YY2: variants seen among roughly 807,000 people sequenced by gnomAD.
The protein encoded by YY2 is transcription factor YY2.
For synonymous variants in YY2, 157 were observed against 131.2 expected (o/e 1.20, Z -1.35); for missense variants, 254 against 305.3 (o/e 0.83, Z 1.25).
Position 21,857,083 on chromosome X carries a change from G to A in YY2, c.599G>A (p.Gly200Asp), listed in dbSNP as rs1368016320. The A allele has an allele frequency of 8.3e-7, 1 of 1,209,945 alleles. No individual in the cohort carries two copies. The highest frequency in any genetic ancestry group is 3.0e-5 in the East Asian group (1 of 33,766). Reference protein sequence around the residue: ...PNDNNDQGAVGEGQAENPPDY... With the variant: ...PNDNNDQGAVDEGQAENPPDY... ...GATAACAATGACCAAGGGGCAGTGGGTGAAGGCCAGGCTGAAAACCCACCT... is the reference window on the plus strand; with the variant it reads ...GATAACAATGACCAAGGGGCAGTGGATGAAGGCCAGGCTGAAAACCCACCT... The change falls in exon 1 of 1, where the codon GGT becomes GAT. Residue 200 changes from glycine (G) to aspartate (D), a missense_variant. By Grantham distance (94) the Gly-to-Asp change is moderately conservative (BLOSUM62 -1). Transcript: ENST00000429584.
Position 21,857,211 on chromosome X carries a change from C to G in YY2, c.727C>G (p.Pro243Ala), listed in dbSNP as rs761500153. Reference protein sequence around the residue: ...KQLAEFTKVKPKRSKGEPPKT... With the variant: ...KQLAEFTKVKAKRSKGEPPKT... ...GCTGGCAGAATTTACTAAAGTGAAG[C>G]CCAAAAGGTCCAAAGGAGAACCTCC... The change falls in exon 1 of 1, where the codon CCC (proline) becomes GCC (alanine). Residue 243 changes from proline to alanine, a missense_variant. Transcript: ENST00000429584. 9.1e-6 allele frequency: 11 copies of G among 1,211,758 alleles called. No individual in the cohort carries two copies. Among genetic ancestry groups the G allele is most frequent in the Non-Finnish European group, 1.1e-5 (10 of 895,572 alleles).
At position 21,856,976 on chromosome X, in the gene YY2, G is replaced by T. The variant is rs775288900; in HGVS notation, c.492G>T (p.Leu164=). 8.2e-7 allele frequency: 1 copy of T among 1,212,160 alleles called. No homozygotes were observed. Residue 164 remains leucine (L), a synonymous_variant, in exon 1 of 1, where the codon CTG becomes CTT. Coordinates refer to ENST00000429584, the MANE Select transcript of YY2 (RefSeq NM_206923.4). ...EANPAGSSSS[L]GTRKWEQKQM... ...ACCCGGCAGGCAGCAGCTCCAGCCT[G>T]GGCACGAGGAAGTGGGAGCAGAAGC...
At position 21,856,456 on chromosome X, in the gene YY2, G is replaced by A. The variant is rs1332792903; in HGVS notation, c.-29G>A. 8.5e-7 allele frequency: 1 copy of A among 1,182,842 alleles called. No individual in the cohort carries two copies. Among genetic ancestry groups the A allele is most frequent in the East Asian group, 3.0e-5 (1 of 33,548 alleles). On this transcript the variant is annotated 5_prime_UTR_variant, in exon 1 of 1. Coordinates refer to ENST00000429584, the MANE Select transcript of YY2 (RefSeq NM_206923.4). ...GCGTTCTTTTTCCCACGGTCTTCCC[G>A]TTGCCGCTAACCTAACTAACTCTCA... is the stretch of plus-strand genomic sequence containing the variant.
In YY2 at chrX:21,856,954, C is replaced by T; in HGVS notation, c.470C>T (p.Pro157Leu). Residue 157 changes from proline to leucine, a missense_variant, in exon 1 of 1, where the codon CCG becomes CTG. Coordinates refer to ENST00000429584, the MANE Select transcript of YY2 (RefSeq NM_206923.4). ...AGTGCCACCAGCACTGAGGCCAACC[C>T]GGCAGGCAGCAGCTCCAGCCTGGGC... ...GKSATSTEANPAGSSSSLGTR... is the reference protein window; with the variant it reads ...GKSATSTEANLAGSSSSLGTR... The T allele has an allele frequency of 2.5e-6, 3 of 1,212,013 alleles. No homozygotes were observed. Among genetic ancestry groups the T allele is most frequent in the Non-Finnish European group, 3.3e-6 (3 of 895,637 alleles).
rs1320875482 is a variant in YY2 at position 21,858,068 on chromosome X, T to C, written c.*465T>C. 2 of 125,212 alleles carry C rather than the reference T, an allele frequency of 1.6e-5. No individual in the cohort carries two copies. The highest frequency in any genetic ancestry group is 3.2e-5 in the African/African-American group (1 of 31,117). The allele number at this position is 125,212 out of a possible 1,213,427, so 10.3% of individuals were successfully genotyped here. A position where few individuals can be genotyped will look rare whatever the true frequency, so the allele number is the denominator to read the frequency against. ...TGGTTTTTCTGGAGGTTGATAACTT[T>C]GGGAAAGATTTACTTTAAAAGAGTG... On this transcript the variant is annotated 3_prime_UTR_variant, in exon 1 of 1. Transcript: ENST00000429584.
In YY2 at chrX:21,856,173, G is replaced by A. The variant is rs2092920932; in HGVS notation, c.-312G>A. The A allele has an allele frequency of 3.5e-6, 1 of 283,427 alleles. No individual in the cohort carries two copies. Among genetic ancestry groups the A allele is most frequent in the South Asian group, 1.2e-4 (1 of 8,092 alleles). 23.4% of individuals were successfully genotyped at this position (283,427 alleles called of 1,213,427 possible). A position where few individuals can be genotyped will look rare whatever the true frequency, so the allele number is the denominator to read the frequency against. Reference sequence around the variant, plus strand: ...GTCGCAGGGTGGCAAACGTACGCGGGCACGTGCACGTGCTTTTGGGGCCGA... The same window carrying A: ...GTCGCAGGGTGGCAAACGTACGCGGACACGTGCACGTGCTTTTGGGGCCGA... On this transcript the variant is annotated 5_prime_UTR_variant, in exon 1 of 1. Transcript: ENST00000429584.
chrX:21,856,596 G>C lies in YY2; in HGVS notation c.112G>C (p.Glu38Gln), dbSNP rs2092922968. The C allele has an allele frequency of 8.3e-7, 1 of 1,212,031 alleles. No individual in the cohort carries two copies. Among genetic ancestry groups the C allele is most frequent in the African/African-American group, 1.7e-5 (1 of 57,863 alleles). Reference protein sequence around the residue: ...EPLPMEDIPTESVQYEDVDGN... With the variant: ...EPLPMEDIPTQSVQYEDVDGN... ...CCTTCCTATGGAGGACATTCCGACGGAAAGCGTCCAGTACGAGGATGTGGA... is the reference window on the plus strand; with the variant it reads ...CCTTCCTATGGAGGACATTCCGACGCAAAGCGTCCAGTACGAGGATGTGGA... Residue 38 changes from glutamate to glutamine, a missense_variant, in exon 1 of 1, where the codon GAA (glutamate) becomes CAA (glutamine). Transcript: ENST00000429584.
Position 21,857,217 on chromosome X carries a change from A to G in YY2, c.733A>G (p.Arg245Gly), listed in dbSNP as rs769297422. 10 of 1,211,979 alleles carry G rather than the reference A, an allele frequency of 8.3e-6. No homozygotes were observed. The highest frequency in any genetic ancestry group is 1.0e-5 in the Non-Finnish European group (9 of 895,619). ...LAEFTKVKPK[R>G]SKGEPPKTVP... Reference sequence around the variant, plus strand: ...AGAATTTACTAAAGTGAAGCCCAAAAGGTCCAAAGGAGAACCTCCCAAAAC... The same window carrying G: ...AGAATTTACTAAAGTGAAGCCCAAAGGGTCCAAAGGAGAACCTCCCAAAAC... The change falls in exon 1 of 1, where the codon AGG becomes GGG. Residue 245 changes from arginine to glycine, a missense_variant. Physicochemically the swap from Arg to Gly is moderately radical, Grantham distance 125 (BLOSUM62 -2). Coordinates refer to ENST00000429584, the MANE Select transcript of YY2 (RefSeq NM_206923.4).
Position 21,856,474 on chromosome X carries a change from AACTC to A in YY2, c.-10_-7del. The A allele has an allele frequency of 1.7e-6, 2 of 1,198,905 alleles. No homozygotes were observed. The highest frequency in any genetic ancestry group is 2.3e-6 in the Non-Finnish European group (2 of 888,530). On this transcript the variant is annotated 5_prime_UTR_variant, in exon 1 of 1. Coordinates refer to ENST00000429584, the MANE Select transcript of YY2 (RefSeq NM_206923.4). ...TCTTCCCGTTGCCGCTAACCTAACT[AACTC>A]TCAGCCATGGCCTCCAACGAAGATT... is the stretch of plus-strand genomic sequence containing the variant.
rs1280941385 is a variant in YY2, at chrX:21,857,123, C to T, written c.639C>T (p.Tyr213=). 8.3e-7 allele frequency: 1 copy of T among 1,211,785 alleles called. No individual in the cohort carries two copies. The highest frequency in any genetic ancestry group is 2.2e-5 in the Admixed American group (1 of 46,055). The change falls in exon 1 of 1, where the codon TAC becomes TAT. Residue 213 remains tyrosine (Y), a synonymous_variant. Coordinates refer to ENST00000429584, the MANE Select transcript of YY2 (RefSeq NM_206923.4). ...AAAACCCACCTGATTATTCCGAGTACTTGAAAGGGAAGAAACTTCCTCCTG... is the reference window on the plus strand; with the variant it reads ...AAAACCCACCTGATTATTCCGAGTATTTGAAAGGGAAGAAACTTCCTCCTG... ...QAENPPDYSE[Y]LKGKKLPPGG... is the part of the protein sequence containing the mutation.
At position 21,857,190 on chromosome X, in the gene YY2, G is replaced by T; in HGVS notation, c.706G>T (p.Ala236Ser). The T allele has an allele frequency of 3.3e-6, 4 of 1,211,868 alleles. No individual in the cohort carries two copies. Among genetic ancestry groups the T allele is most frequent in the East Asian group, 3.0e-5 (1 of 33,846 alleles). The part of the protein sequence containing the change: ...GIDLSDPKQL[A>S]EFTKVKPKRS... ...TGATCTCTCAGATCCTAAACAGCTGGCAGAATTTACTAAAGTGAAGCCCAA... is the reference window on the plus strand; with the variant it reads ...TGATCTCTCAGATCCTAAACAGCTGTCAGAATTTACTAAAGTGAAGCCCAA... The change falls in exon 1 of 1, where the codon GCA becomes TCA. Residue 236 changes from alanine (A) to serine (S), a missense_variant. By Grantham distance (99) the Ala-to-Ser change is moderately conservative. Transcript: ENST00000429584.
rs1430627035 is a variant in YY2, at chrX:21,857,276, G to T, written c.792G>T (p.Met264Ile). 1 of 1,210,207 alleles carries T rather than the reference G, an allele frequency of 8.3e-7. No homozygotes were observed. Among genetic ancestry groups the T allele is most frequent in the Non-Finnish European group, 1.1e-6 (1 of 895,265 alleles). Residue 264 changes from methionine to isoleucine, a missense_variant, in exon 1 of 1, where the codon ATG (methionine) becomes ATT (isoleucine). Met to Ile is a conservative substitution (Grantham distance 10). Coordinates refer to ENST00000429584, the MANE Select transcript of YY2 (RefSeq NM_206923.4). ...VPCSYSGCEK[M>I]FRDYAAMRKH... ...GCTCTTATAGCGGCTGCGAAAAGAT[G>T]TTCCGGGATTACGCCGCCATGAGAA... is the stretch of plus-strand genomic sequence containing the variant.
At position 21,856,532 on chromosome X, in the gene YY2, G is replaced by A. The variant is rs746360796; in HGVS notation, c.48G>A (p.Pro16=). 2 of 1,209,584 alleles carry A rather than the reference G, an allele frequency of 1.7e-6. No individual in the cohort carries two copies. Among genetic ancestry groups the A allele is most frequent in the Admixed American group, 2.2e-5 (1 of 45,760 alleles). The change falls in exon 1 of 1, where the codon CCG becomes CCA. Residue 16 remains proline (P), a synonymous_variant. Transcript: ENST00000429584. ...DFSITQDLEI[P]ADIVELHDIN... ...CCATCACACAAGACCTGGAGATCCCGGCAGATATTGTGGAGCTCCACGACA... is the reference window on the plus strand; with the variant it reads ...CCATCACACAAGACCTGGAGATCCCAGCAGATATTGTGGAGCTCCACGACA...
Sources: gnomAD v4.1 joint callset for allele counts on GRCh38, gnomAD v4.1.1 for gene constraint, MANE v1.5 for transcripts, NCBI Gene and HGNC (gene_info 2026-07-23, HGNC 2026-07-21) for gene names.